The following SOX6 variants were observed in gnomAD, a reference collection of about 807,000 sequenced individuals.
The protein encoded by SOX6 is transcription factor SOX-6.
Under a neutral mutation model 97.8 loss-of-function variants are expected in SOX6, and 11 were observed. That is an observed-to-expected ratio of 0.11 (90% CI 0.07 to 0.19). The LOEUF is 0.19. Among genes scored for constraint, SOX6 ranks in the 10% least tolerant of loss-of-function variants. SOX6 has a pLI of 1.00. For synonymous variants in SOX6, 360 were observed against 371.4 expected (o/e 0.97, Z 0.35); for missense variants, 810 against 1,039.5 (o/e 0.78, Z 3.04).
intron 9 of SOX6, among the ~76,000 whole-genome samples, chr11:16,060,494 T>C (rs1847921058): frequency 6.6e-6 from 1 of 151,878 alleles, no homozygotes; most frequent in South Asian, 2.1e-4. Context: ...AATCAGAAAA[T>C]TGAGTCCAGT....
At chr11:16,339,242 G>A (rs947771448) in intron 2 of SOX6, among the ~76,000 whole-genome samples, 1 of 152,040 alleles carries the variant, frequency 6.6e-6, no homozygotes, top group Non-Finnish European at 1.5e-5. Context: ...TGCTTCAAAC[G>A]TTTTCCATTG....
chr11:16,414,278 G>A (rs4757396), intron 1 of SOX6, among the ~76,000 whole-genome samples: 151,645 of 152,366 alleles, frequency 1, 75,469 homozygotes, highest in Middle Eastern at 1. Context: ...TACACTTCAT[G>A]TTCTTCAGAA....
intron 1 of SOX6, among the ~76,000 whole-genome samples, chr11:16,422,116 T>A (rs910832787): frequency 7.2e-5 from 11 of 151,996 alleles, no homozygotes; most frequent in African/African-American, 2.7e-4. Flanking sequence ...ACGAAAAAAA[T>A]AAAATATTTT....
chr11:16,543,151 G>C (rs1451448590), intron 4 of SOX6, among the ~76,000 whole-genome samples: 2 of 152,012 alleles, frequency 1.3e-5, no homozygotes, highest in African/African-American at 2.4e-5. Context: ...TCTTTATCTT[G>C]GAACTCTTTA....
chr11:16,717,171 T>C (rs954927628), intron 2 of SOX6, among the ~76,000 whole-genome samples: 8 of 152,152 alleles, frequency 5.3e-5, no homozygotes, highest in African/African-American at 1.9e-4. Flanking sequence ...TTTTTAAATG[T>C]GGTTTTATCC....
chr11:16,213,035 C>A (rs1003452591), intron 4 of SOX6, among the ~76,000 whole-genome samples: 2 of 152,086 alleles, frequency 1.3e-5, no homozygotes, highest in African/African-American at 4.8e-5. Context: ...ACCTTGAGGT[C>A]ATCTTTGTTA....
chr11:16,431,810 C>G (rs1590201200), intron 1 of SOX6, among the ~76,000 whole-genome samples: 1 of 151,986 alleles, frequency 6.6e-6, no homozygotes. Context: ...TTCTTATATT[C>G]TATTGAATTA....
chr11:16,154,579 G>A (rs189320760), intron 6 of SOX6, among the ~76,000 whole-genome samples: 14 of 151,932 alleles, frequency 9.2e-5, no homozygotes, highest in African/African-American at 2.4e-4. Context: ...ACCTGTCTCC[G>A]AATTAAATTA....
rs557467003 is a variant in SOX6 at position 16,333,810 on chromosome 11, C to T, written c.237+7202G>A. On this transcript the variant is annotated intron_variant, in intron 2 of 15. Transcript: ENST00000683767. ...TAAATGCTATAGACTCTAAGCTACACTTTGGTCATATAGAAGTATTTGCAT... is the reference window on the plus strand; with the variant it reads ...TAAATGCTATAGACTCTAAGCTACATTTTGGTCATATAGAAGTATTTGCAT... 9.9e-5 allele frequency among the ~76,000 whole-genome samples: 15 copies of T among 152,204 alleles called. No homozygotes were observed. The South Asian group carries it at 3.1e-3, about 32-fold the overall frequency.
At chr11:16,573,156 G>A (rs73417134) in intron 4 of SOX6, among the ~76,000 whole-genome samples, 4,938 of 152,202 alleles carry the variant, frequency 0.032, 250 homozygotes, top group African/African-American at 0.11. Flanking sequence ...GCTGTCTGCT[G>A]TCAGGAACAA....
At chr11:16,675,388 T>C (rs1847877172) in intron 3 of SOX6, among the ~76,000 whole-genome samples, 1 of 152,186 alleles carries the variant, frequency 6.6e-6, no homozygotes, top group African/African-American at 2.4e-5. Context: ...TGGCCTCAAG[T>C]GATCCTCCCA....
intron 4 of SOX6, among the ~76,000 whole-genome samples, chr11:16,219,317 A>G (rs1264299182): frequency 2.6e-5 from 4 of 152,126 alleles, no homozygotes; most frequent in Non-Finnish European, 5.9e-5. Context: ...GGTTATATTT[A>G]AAAGGTAATT....
At chr11:16,049,663 A>G in intron 11 of SOX6, 92 bp downstream of exon 11, 12 of 1,434,288 alleles carry the variant, frequency 8.4e-6, no homozygotes, top group Non-Finnish European at 1.2e-5. Flanking sequence ...ACTAAGGAGC[A>G]CTTTGGAAAC....
In SOX6 at chr11:16,516,300, C is replaced by A. The variant is rs376110051; in HGVS notation, n.610-39912G>T. ...GTTGGATTCCTAGGTATTTTATTCT[C>A]TTTGAAGCAATTGTGAATGGGAGTT... is the stretch of plus-strand genomic sequence containing the variant. On this transcript the variant is annotated intron_variant and non_coding_transcript_variant, in intron 4 of 5. Coordinates refer to the SOX6 transcript ENST00000524520. 6.7e-3 allele frequency among the ~76,000 whole-genome samples: 1,012 copies of A among 152,104 alleles called. 24 individuals carry two copies. Among genetic ancestry groups the A allele is most frequent in the East Asian group, 0.056 (288 of 5,174 alleles).
At chr11:16,248,862 C>A (rs368818765) in intron 3 of SOX6, among the ~76,000 whole-genome samples, 2 of 152,184 alleles carry the variant, frequency 1.3e-5, no homozygotes, top group South Asian at 2.1e-4. Flanking sequence ...CTTTGGGAGC[C>A]CAAGGAAGGC....
chr11:16,650,186 G>A (rs978479814), intron 3 of SOX6, among the ~76,000 whole-genome samples: 1 of 151,980 alleles, frequency 6.6e-6, no homozygotes. Context: ...ACTAATAGTG[G>A]GGGACTTCAA....
At chr11:16,149,589 C>T (rs139831514) in intron 6 of SOX6, among the ~76,000 whole-genome samples, 256 of 152,204 alleles carry the variant, frequency 1.7e-3, no homozygotes, top group African/African-American at 6.1e-3. Context: ...GACTTCAGAA[C>T]CTGCTAGGGA....
At chr11:16,398,341 C>A (rs368696161) in intron 1 of SOX6, among the ~76,000 whole-genome samples, 2 of 151,570 alleles carry the variant, frequency 1.3e-5, no homozygotes, top group African/African-American at 4.8e-5. Context: ...TAGCTGAGTG[C>A]AGTAGTCCAT....
chr11:15,986,317 G>A lies in SOX6; in HGVS notation c.2070C>T (p.Tyr690=), dbSNP rs762696335. The change falls in exon 15 of 16, where the codon TAC becomes TAT. Residue 690 remains tyrosine (Y), a synonymous_variant. Coordinates refer to ENST00000683767, the MANE Select transcript of SOX6 (RefSeq NM_001367873.1). Reference sequence around the variant, plus strand: ...TGCAGGTGCGTTTCGGTCGGGGTTTGTATTTATAGTTTGGGTACTTCTCTA... The same window carrying A: ...TGCAGGTGCGTTTCGGTCGGGGTTTATATTTATAGTTTGGGTACTTCTCTA... ...IHLEKYPNYK[Y]KPRPKRTCIV... 2.5e-6 allele frequency: 4 copies of A among 1,614,088 alleles called. No individual in the cohort carries two copies. The East Asian group carries it at 8.9e-5, about 36-fold the overall frequency.
Sources: allele counts gnomAD v4.1 joint callset (sites outside exome capture counted in the v4.1 genomes callset), GRCh38; gene constraint gnomAD v4.1.1; transcripts MANE v1.5; gene names NCBI Gene and HGNC (gene_info 2026-07-23, HGNC 2026-07-21).